The following ZNF43 variants were observed in gnomAD, a reference collection of about 807,000 sequenced individuals.
ZNF43 encodes zinc finger protein 39-like 1 (KOX 27).
A neutral mutation model predicts 68.4 loss-of-function variants in ZNF43; 44 were observed. The ratio of observed to expected loss-of-function variants is 0.64; its 90% confidence interval spans 0.51 to 0.83. ZNF43 has a LOEUF of 0.83. ZNF43 is among the 40% of genes least tolerant of loss of function. The pLI is 0.00. For synonymous variants in ZNF43, 308 were observed against 307.8 expected (o/e 1.00, Z -0.01); for missense variants, 896 against 933.2 (o/e 0.96, Z 0.52).
chr19:21,836,142 G>A lies in ZNF43; in HGVS notation c.-104C>T, dbSNP rs2038720948. 16 of 1,586,594 alleles carry A rather than the reference G, an allele frequency of 1.0e-5. No homozygotes were observed. Among genetic ancestry groups the A allele is most frequent in the East Asian group, 2.2e-5 (1 of 44,612 alleles). On this transcript the variant is annotated 5_prime_UTR_variant, in exon 1 of 4. Coordinates refer to ENST00000354959, the MANE Select transcript of ZNF43 (RefSeq NM_003423.4). ...ACCTCTAGCAGCAGAGGACACAGAA[G>A]AACGAAGACGAGACGCAGAGCTCCA...
intron 1 of ZNF43, among the ~76,000 whole-genome samples, chr19:21,831,068 C>A (rs924689768): frequency 2.6e-5 from 4 of 152,066 alleles, no homozygotes; most frequent in African/African-American, 9.7e-5. Flanking sequence ...ATGTTAAAAC[C>A]CTCAACGAAC....
intron 1 of ZNF43, among the ~76,000 whole-genome samples, chr19:21,847,745 G>A (rs1271543195): frequency 2.6e-5 from 4 of 151,928 alleles, no homozygotes; most frequent in Non-Finnish European, 4.4e-5. Context: ...GCATCATTGA[G>A]TTACATCACA....
At position 21,830,004 on chromosome 19, in the gene ZNF43, C is replaced by T. The variant is rs372454838; in HGVS notation, c.3+6032G>A. On this transcript the variant is annotated intron_variant, in intron 1 of 3. Transcript: ENST00000354959. ...CAGTGGCTCACCCCTGTAATCGCAG[C>T]ATTTTGGGAGGCCGAGGTGGGCAGA... Among the ~76,000 whole-genome samples, 6 of 152,168 alleles carry T rather than the reference C, an allele frequency of 3.9e-5. No individual in the cohort carries two copies. The East Asian group carries it at 7.7e-4, about 20-fold the overall frequency.
chr19:21,807,412 G>T lies in ZNF43; in HGVS notation c.*195C>A. On this transcript the variant is annotated 3_prime_UTR_variant, in exon 4 of 4. Transcript: ENST00000354959. ...TATTAATGGCTTTTCCACATTCTTT[G>T]TGTATATACCTTTTTCCAAGTAAAA... 1 of 491,428 alleles carries T rather than the reference G, an allele frequency of 2.0e-6. No individual in the cohort carries two copies. Among genetic ancestry groups the T allele is most frequent in the Non-Finnish European group, 3.5e-6 (1 of 288,668 alleles). 30.4% of individuals were successfully genotyped at this position (491,428 alleles called of 1,614,324 possible).
chr19:21,814,557 G>A (rs146003753), intron 3 of ZNF43, among the ~76,000 whole-genome samples: 1,710 of 151,846 alleles, frequency 0.011, 31 homozygotes, highest in African/African-American at 0.04. Flanking sequence ...CTACAGGTGC[G>A]TACCACTATG....
intron 1 of ZNF43, among the ~76,000 whole-genome samples, chr19:21,847,318 C>T (rs1968022252): frequency 6.6e-6 from 1 of 152,120 alleles, no homozygotes; most frequent in Admixed American, 6.5e-5. Context: ...TGTCACGATA[C>T]ACAAATATGA....
intron 1 of ZNF43, among the ~76,000 whole-genome samples, chr19:21,835,408 A>G (rs1599526141): frequency 8.2e-6 from 1 of 122,324 alleles, no homozygotes; most frequent in Non-Finnish European, 1.6e-5. Context: ...CCCAGGCTGG[A>G]GTGCAATGGC....
intron 1 of ZNF43, among the ~76,000 whole-genome samples, chr19:21,832,974 T>C (rs531254400): frequency 1.5e-3 from 226 of 152,300 alleles, no homozygotes; most frequent in African/African-American, 4.9e-3. Context: ...ATCAAGATGA[T>C]AGGATATAGA....
At chr19:21,814,214 T>C (rs1180993247) in intron 3 of ZNF43, among the ~76,000 whole-genome samples, 3 of 151,478 alleles carry the variant, frequency 2.0e-5, no homozygotes, top group Non-Finnish European at 2.9e-5. Flanking sequence ...ACAAAGAAAA[T>C]ATACATTCAT....
rs927039851 is a variant in ZNF43 at position 21,852,016 on chromosome 19, G to C, written c.-82C>G. On this transcript the variant is annotated 5_prime_UTR_variant, in exon 1 of 4. Transcript: ENST00000357491. ...AGTCACCGGGGATTCCCGAGTTGGAGAACGCGGAAAAGCAGAGGCGGGTCC... is the reference window on the plus strand; with the variant it reads ...AGTCACCGGGGATTCCCGAGTTGGACAACGCGGAAAAGCAGAGGCGGGTCC... The C allele has an allele frequency of 6.8e-6, 10 of 1,468,934 alleles. No individual in the cohort carries two copies. In the African/African-American group the frequency reaches 9.9e-5, roughly 15 times the overall value. The allele number at this position is 1,468,934 out of a possible 1,614,324, so 91.0% of individuals were successfully genotyped here.
chr19:21,830,197 G>A (rs2038353626), intron 1 of ZNF43, among the ~76,000 whole-genome samples: 1 of 151,994 alleles, frequency 6.6e-6, no homozygotes, highest in East Asian at 1.9e-4. Context: ...GTTGCAGTGA[G>A]GCGGAGGTTG....
chr19:21,807,923 G>A lies in ZNF43; in HGVS notation c.2114C>T (p.Pro705Leu), dbSNP rs747946141. 1.2e-6 allele frequency: 2 copies of A among 1,612,554 alleles called. No individual in the cohort carries two copies. The highest frequency in any genetic ancestry group is 8.5e-7 in the Non-Finnish European group (1 of 1,179,634). ...THKIIHTGEK[P>L]YKCEKCGKAF... ...TTTGCCACATTTTTCACATTTGTAG[G>A]GTTTCTCTCCAGTATGAATAATCTT... The change falls in exon 4 of 4, where the codon CCC becomes CTC. Residue 705 changes from proline (P) to leucine (L), a missense_variant. Physicochemically the swap from Pro to Leu is moderately conservative, Grantham distance 98 (BLOSUM62 -3). Coordinates refer to ENST00000354959, the MANE Select transcript of ZNF43 (RefSeq NM_003423.4).
At chr19:21,845,865 C>T (rs909737047) in intron 1 of ZNF43, among the ~76,000 whole-genome samples, 3 of 150,786 alleles carry the variant, frequency 2.0e-5, no homozygotes, top group Admixed American at 6.6e-5. Flanking sequence ...TGCACTCCAG[C>T]CTGGGCAACA....
At chr19:21,811,303 A>C (rs1304170023) in intron 3 of ZNF43, among the ~76,000 whole-genome samples, 2 of 152,118 alleles carry the variant, frequency 1.3e-5, no homozygotes, top group African/African-American at 4.8e-5. Flanking sequence ...AGGCCAAGGC[A>C]GGTGGATTTC....
chr19:21,840,305 G>T, upstream of ZNF43: 1 of 152,702 alleles, frequency 6.5e-6, no homozygotes. Flanking sequence ...CCAGGCAGGA[G>T]AGTCAAATCA....
chr19:21,844,229 A>T (rs148384431), intron 1 of ZNF43, among the ~76,000 whole-genome samples: 2,554 of 151,750 alleles, frequency 0.017, 32 homozygotes, highest in Non-Finnish European at 0.027. Context: ...AGCCGGGCAT[A>T]TCCCAGCTGC....
intron 3 of ZNF43, among the ~76,000 whole-genome samples, chr19:21,814,697 C>A (rs368678702): frequency 6.6e-6 from 1 of 151,834 alleles, no homozygotes. Flanking sequence ...CGTGAGCCAC[C>A]GTGCCCGGCC....
chr19:21,833,489 T>C (rs62112965), intron 1 of ZNF43, among the ~76,000 whole-genome samples: 38,444 of 151,280 alleles, frequency 0.25, 4,969 homozygotes, highest in South Asian at 0.31. Context: ...AGGCTGGTCT[T>C]GAACTCCTGA....
upstream of ZNF43, chr19:21,836,206 G>T: frequency 6.7e-7 from 1 of 1,502,634 alleles, no homozygotes. Context: ...CATCCCGGAA[G>T]CCGCCCTGTC....
Sources: allele counts gnomAD v4.1 joint callset (sites outside exome capture counted in the v4.1 genomes callset), GRCh38; gene constraint gnomAD v4.1.1; transcripts MANE v1.5; gene names NCBI Gene and HGNC (gene_info 2026-07-23, HGNC 2026-07-21).